Variants in NUP210 observed in about 807,000 individuals in gnomAD.
NUP210 encodes nuclear pore membrane glycoprotein 210.
NUP210 carries 151 observed loss-of-function variants against 196.0 expected under a neutral mutation model. The observed-to-expected ratio is 0.77, with a 90% CI of 0.67 to 0.88. The LOEUF (loss-of-function observed/expected upper bound fraction) is 0.88. NUP210 is among the 40% of genes least tolerant of loss of function. The probability of loss-of-function intolerance (pLI) is 0.00; values close to 1 mark genes in which losing one functional copy is unlikely to be tolerated. For missense variants in NUP210, 2,314 were observed against 2,493.7 expected, an observed-to-expected ratio of 0.93 and a Z score of 1.53; for synonymous variants, 1,070 against 1,052.7, an observed-to-expected ratio of 1.02 and a Z score of -0.32.
chr3:13,318,510 A>C (rs642654), intron 39 of NUP210, among the ~76,000 whole-genome samples: 1 of 152,174 alleles, frequency 6.6e-6, no homozygotes. Context: ...GAGAACCCTC[A>C]AATGGGAATC....
intron 12 of NUP210, among the ~76,000 whole-genome samples, chr3:13,373,162 G>A (rs887778814): frequency 3.3e-5 from 5 of 152,204 alleles, no homozygotes. Context: ...CACTAGGCAA[G>A]TATGGCCTGG....
intron 13 of NUP210, among the ~76,000 whole-genome samples, chr3:13,367,935 G>T (rs1698596764): frequency 6.7e-6 from 1 of 149,842 alleles, no homozygotes; most frequent in South Asian, 2.1e-4. Context: ...CCTAAGAGAG[G>T]AAGTGCTAGG....
intron 6 of NUP210, among the ~76,000 whole-genome samples, chr3:13,385,447 G>A (rs9818385): frequency 0.62 from 93,680 of 152,092 alleles, 30,414 homozygotes; most frequent in African/African-American, 0.84. Flanking sequence ...GAGGACTGGC[G>A]CTCCATTGAG....
rs1698802980 is a variant in NUP210 at position 13,373,651 on chromosome 3, C to T, written c.1587+67G>A. ...TGTTTCTGAGTGAAGTCGAGGCTTG[C>T]TCAGAGGGGGCGGCTGGAGACCACC... On this transcript the variant is annotated intron_variant, in intron 12 of 39. Transcript: ENST00000254508. 235 of 1,559,100 alleles carry T rather than the reference C, an allele frequency of 1.5e-4. 15 individuals are homozygous for T. In the South Asian group the frequency reaches 2.6e-3, roughly 17 times the overall value.
At position 13,347,282 on chromosome 3, in the gene NUP210, T is replaced by C; in HGVS notation, c.2836-3979A>G. The C allele has an allele frequency of 1.0e-6, 1 of 985,238 alleles. No individual in the cohort carries two copies. 61.0% of individuals were successfully genotyped at this position (985,238 alleles called of 1,614,324 possible). On this transcript the variant is annotated intron_variant, in intron 20 of 39. Transcript: ENST00000254508. This position sits in a 1 kb window ranked among gnomAD's most constrained non-coding sequence, Gnocchi z 4.7. ...GGCACACGATAAGCACTCCAGCGTC[T>C]CTGAGTGCACGAGTTAATGGGAAAT...
In NUP210 at chr3:13,366,094, A is replaced by G. The variant is rs961437298; in HGVS notation, c.1787-3T>C. ...CTCAGAGCCTGGCGGCAGCCTCCCT[A>G]CAGAAAGGAGAGAACTAGATGGTCA... On this transcript the variant is annotated splice_polypyrimidine_tract_variant and splice_region_variant and intron_variant, in intron 13 of 39. Coordinates refer to ENST00000254508, the MANE Select transcript of NUP210 (RefSeq NM_024923.4). 1 of 1,612,988 alleles carries G rather than the reference A, an allele frequency of 6.2e-7. No individual in the cohort carries two copies. The highest frequency in any genetic ancestry group is 8.5e-7 in the Non-Finnish European group (1 of 1,179,448).
intron 6 of NUP210, among the ~76,000 whole-genome samples, chr3:13,385,010 G>T (rs1223160038): frequency 2.6e-5 from 4 of 152,196 alleles, no homozygotes; most frequent in African/African-American, 9.7e-5. Context: ...GGCAGATGCT[G>T]CTTGCCCAGA....
rs548266013 is a variant in NUP210, at chr3:13,344,956, C to T, written c.2836-1653G>A. 4.1e-6 allele frequency: 4 copies of T among 985,450 alleles called. No homozygotes were observed. The East Asian group carries it at 4.5e-4, about 112-fold the overall frequency. 61.0% of individuals were successfully genotyped at this position (985,450 alleles called of 1,614,324 possible). On this transcript the variant is annotated intron_variant, in intron 20 of 39. Coordinates refer to ENST00000254508, the MANE Select transcript of NUP210 (RefSeq NM_024923.4). Reference sequence around the variant, plus strand: ...GTCAGCTCCTCCAGCACCTCTTCTCCCCTCTTCTGGGGGCTGGTCCTGCCG... The same window carrying T: ...GTCAGCTCCTCCAGCACCTCTTCTCTCCTCTTCTGGGGGCTGGTCCTGCCG...
chr3:13,347,313 G>C lies in NUP210; in HGVS notation c.2836-4010C>G. 2 of 985,432 alleles carry C rather than the reference G, an allele frequency of 2.0e-6. No individual in the cohort carries two copies. The highest frequency in any genetic ancestry group is 2.4e-6 in the Non-Finnish European group (2 of 829,926). The allele number at this position is 985,432 out of a possible 1,614,324, so 61.0% of individuals were successfully genotyped here. ...TGCACGAGTTAATGGGAAATGTAAA[G>C]TGCCCAGCAGGCTCCTTCCCCTGCT... is the stretch of plus-strand genomic sequence containing the variant. On this transcript the variant is annotated intron_variant, in intron 20 of 39. Transcript: ENST00000254508. This position sits in a 1 kb window ranked among gnomAD's most constrained non-coding sequence, Gnocchi z 4.7.
At chr3:13,325,030 T>C (rs1325020560) in intron 33 of NUP210, among the ~76,000 whole-genome samples, 1 of 152,210 alleles carries the variant, frequency 6.6e-6, no homozygotes, top group Non-Finnish European at 1.5e-5. Context: ...CGTCTAGCTG[T>C]AGATGCCCCA....
chr3:13,336,456 C>T (rs184068543), intron 27 of NUP210, among the ~76,000 whole-genome samples: 28 of 152,264 alleles, frequency 1.8e-4, no homozygotes, highest in African/African-American at 5.8e-4. Flanking sequence ...GGAATTTGGC[C>T]TCTGGGATGA....
At chr3:13,338,046 G>C in intron 25 of NUP210, 129 bp from the exon 26 acceptor site, 1 of 790,022 alleles carries the variant, frequency 1.3e-6, no homozygotes, top group Non-Finnish European at 2.0e-6. Flanking sequence ...AGGATGACCA[G>C]CACCATGCTC....
At chr3:13,360,230 G>T in intron 15 of NUP210, 40 bp downstream of exon 15, 1 of 1,543,574 alleles carries the variant, frequency 6.5e-7, no homozygotes, top group Non-Finnish European at 9.0e-7. Flanking sequence ...TTCCACCCCT[G>T]CCTTAGGGCA....
At chr3:13,327,533 G>A in intron 31 of NUP210, 96 bp from the exon 32 acceptor site, 3 of 919,292 alleles carry the variant, frequency 3.3e-6, no homozygotes, top group Non-Finnish European at 5.0e-6. Context: ...GCTGAGCAAA[G>A]CATTCAACTG....
rs1696721079 is a variant in NUP210 at position 13,325,720 on chromosome 3, C to G, written c.4644+75G>C. On this transcript the variant is annotated intron_variant, in intron 33 of 39. Transcript: ENST00000254508. The stretch of plus-strand genomic sequence containing the variant: ...GCTTTTCCCTAAAAGGAAAAGTCTT[C>G]ATAATCCTCCCAGAAGGTCAGGCCC... 6.4e-6 allele frequency: 10 copies of G among 1,555,616 alleles called. No homozygotes were observed. In the South Asian group the frequency reaches 1.1e-4, roughly 18 times the overall value.
intron 6 of NUP210, 133 bp downstream of exon 6, chr3:13,386,142 T>C: frequency 2.2e-6 from 2 of 912,588 alleles, no homozygotes; most frequent in South Asian, 3.4e-5. Flanking sequence ...TGCAGAAGAG[T>C]GTGAATGTAC....
At chr3:13,358,441 A>C in intron 15 of NUP210, 46 bp from the exon 16 acceptor site, 16 of 1,549,386 alleles carry the variant, frequency 1.0e-5, no homozygotes, top group Non-Finnish European at 1.4e-5. Context: ...TTGAGTTCTC[A>C]CTCCTCTCTG....
At position 13,340,237 on chromosome 3, in the gene NUP210, T is replaced by C. The variant is rs1697414209; in HGVS notation, c.3290A>G (p.Gln1097Arg). The C allele has an allele frequency of 2.5e-6, 4 of 1,613,294 alleles. No homozygotes were observed. Among genetic ancestry groups the C allele is most frequent in the South Asian group, 1.1e-5 (1 of 91,092 alleles). The part of the protein sequence containing the change: ...KVTLLIGATM[Q>R]VTSEGGPQPQ... ...AGGACGTGGCCTCTTGGCTCTCACC[T>C]GCATCGTGGCCCCGATAAGCAGTGT... Residue 1097 changes from glutamine (Q) to arginine (R), a missense_variant and splice_region_variant, in exon 24 of 40, where the codon CAG becomes CGG. Transcript: ENST00000254508. The surrounding 1 kb of genome is among the most constrained non-coding windows in gnomAD (Gnocchi z 4.0).
rs1256168622 is a variant in NUP210 at position 13,378,789 on chromosome 3, G to GC, written c.1045+122dup. The GC allele has an allele frequency of 4.0e-6, 3 of 744,954 alleles. No homozygotes were observed. The African/African-American group carries it at 5.2e-5, about 13-fold the overall frequency. The allele number at this position is 744,954 out of a possible 1,614,324, so 46.1% of individuals were successfully genotyped here. On this transcript the variant is annotated intron_variant, in intron 8 of 39. Transcript: ENST00000254508. ...AGTGCCCTGGGCAATGATGGTCATA[G>GC]CAAGTGGCAGAGCTGGCCAGAGGGA...
Sources: gnomAD v4.1 joint callset for allele counts (sites outside exome capture counted in the v4.1 genomes callset) on GRCh38, gnomAD v4.1.1 for gene constraint, Gnocchi (gnomAD v3.1) non-coding constraint, MANE v1.5 for transcripts, NCBI Gene and HGNC (gene_info 2026-07-23, HGNC 2026-07-21) for gene names.